Variants in TRAPPC9 observed in about 807,000 individuals in gnomAD.
TRAPPC9 encodes trafficking protein particle complex subunit 9.
A neutral mutation model predicts 124.0 loss-of-function variants in TRAPPC9; 83 were observed. That is an observed-to-expected ratio of 0.67 (90% CI 0.56 to 0.80). The LOEUF is 0.80. Ranked by LOEUF, TRAPPC9 falls within the 30% of genes least tolerant of loss-of-function variation. The probability of loss-of-function intolerance (pLI) is 0.00; values close to 1 mark genes in which losing one functional copy is unlikely to be tolerated. For missense variants in TRAPPC9, 1,302 were observed against 1,508.3 expected (o/e 0.86, Z 2.27); for synonymous variants, 638 against 617.5 (o/e 1.03, Z -0.49).
chr8:139,983,524 G>A (rs1447240138), intron 19 of TRAPPC9, among the ~76,000 whole-genome samples: 2 of 151,922 alleles, frequency 1.3e-5, no homozygotes, highest in East Asian at 1.9e-4. Flanking sequence ...TAAGTGTAGT[G>A]AAAACACAGG....
intron 2 of TRAPPC9, among the ~76,000 whole-genome samples, chr8:140,444,654 C>T (rs139880533): frequency 2.0e-5 from 3 of 152,034 alleles, no homozygotes; most frequent in East Asian, 3.9e-4. Flanking sequence ...TGAGGTCAGG[C>T]GTTCAAGACC....
chr8:139,840,709 C>G (rs1164939505), intron 21 of TRAPPC9, among the ~76,000 whole-genome samples: 1 of 152,198 alleles, frequency 6.6e-6, no homozygotes, highest in Non-Finnish European at 1.5e-5. Context: ...AGTCCACACT[C>G]TCACAGTCTT....
At chr8:140,357,239 T>C (rs1183115154) in intron 9 of TRAPPC9, among the ~76,000 whole-genome samples, 1 of 151,722 alleles carries the variant, frequency 6.6e-6, no homozygotes, top group Non-Finnish European at 1.5e-5. Context: ...AGTCACATGG[T>C]GAAGGGGCAG....
chr8:139,980,664 C>T (rs1056431109), intron 19 of TRAPPC9, among the ~76,000 whole-genome samples: 2 of 152,206 alleles, frequency 1.3e-5, no homozygotes, highest in Non-Finnish European at 2.9e-5. Flanking sequence ...GAAGAGCACT[C>T]GGCGCACGGT....
intron 17 of TRAPPC9, among the ~76,000 whole-genome samples, chr8:140,115,751 C>G (rs942906234): frequency 6.6e-6 from 1 of 152,014 alleles, no homozygotes; most frequent in Admixed American, 6.6e-5. Context: ...AGCATACAGC[C>G]TTTGGAACCA....
chr8:140,209,433 G>A lies in TRAPPC9; in HGVS notation c.2556+12026C>T, dbSNP rs117543088. 3.7e-3 allele frequency among the ~76,000 whole-genome samples: 566 copies of A among 152,266 alleles called. 4 individuals carry two copies. The highest frequency in any genetic ancestry group is 2.8e-3 in the Non-Finnish European group (191 of 68,030). On this transcript the variant is annotated intron_variant, in intron 17 of 22. Coordinates refer to ENST00000438773, the MANE Select transcript of TRAPPC9 (RefSeq NM_001160372.4). ...AGGACAGGAACTCAAGGAACAGGCC[G>A]TCCCCCTTCTCTGTCCTTAACATCT... is the stretch of plus-strand genomic sequence containing the variant.
rs546290559 is a variant in TRAPPC9 at position 139,803,636 on chromosome 8, A to G, written c.3056-71434T>C. ...ATCACTTGCACATATCAGCCCATCA[A>G]CAAATGTTCACTTCCTTCCCAGTTT... is the stretch of plus-strand genomic sequence containing the variant. On this transcript the variant is annotated intron_variant, in intron 21 of 22. Coordinates refer to ENST00000438773, the MANE Select transcript of TRAPPC9 (RefSeq NM_001160372.4). 1.8e-4 allele frequency among the ~76,000 whole-genome samples: 27 copies of G among 152,360 alleles called. No individual in the cohort carries two copies. The East Asian group carries it at 4.2e-3, about 24-fold the overall frequency.
intron 21 of TRAPPC9, among the ~76,000 whole-genome samples, chr8:139,771,607 A>G (rs1252156194): frequency 6.6e-6 from 1 of 152,218 alleles, no homozygotes; most frequent in Non-Finnish European, 1.5e-5. Context: ...CAGGAGGACC[A>G]CTGCTGATCA....
intron 21 of TRAPPC9, among the ~76,000 whole-genome samples, chr8:139,737,533 G>T (rs796763485): frequency 7.9e-6 from 1 of 126,526 alleles, no homozygotes; most frequent in South Asian, 2.3e-4. Flanking sequence ...TTCTCCCACT[G>T]TTCTCTGGGG....
At chr8:140,102,103 A>G (rs1389771328) in intron 17 of TRAPPC9, among the ~76,000 whole-genome samples, 1 of 152,208 alleles carries the variant, frequency 6.6e-6, no homozygotes, top group Non-Finnish European at 1.5e-5. Context: ...TAGTTACTAG[A>G]GTCCAAACTG....
intron 20 of TRAPPC9, among the ~76,000 whole-genome samples, chr8:139,892,826 A>G (rs1029013745): frequency 5.9e-5 from 9 of 151,970 alleles, no homozygotes; most frequent in African/African-American, 2.2e-4. Context: ...GCATCCCTCC[A>G]CTGTAGAAGC....
intron 18 of TRAPPC9, among the ~76,000 whole-genome samples, chr8:139,991,944 G>A (rs1019885268): frequency 6.6e-6 from 1 of 152,248 alleles, no homozygotes; most frequent in South Asian, 2.1e-4. Context: ...CTGAGGAACT[G>A]AATGAGAAAC....
intron 16 of TRAPPC9, among the ~76,000 whole-genome samples, chr8:140,233,685 C>T (rs1248447955): frequency 7.1e-6 from 1 of 140,930 alleles, no homozygotes; most frequent in East Asian, 2.1e-4. Flanking sequence ...ACCACACACA[C>T]AAATGTTCAG....
intron 21 of TRAPPC9, among the ~76,000 whole-genome samples, chr8:139,853,964 C>G (rs1227965655): frequency 6.6e-6 from 1 of 152,150 alleles, no homozygotes; most frequent in African/African-American, 2.4e-5. Context: ...GTATATAATA[C>G]TATATTATAC....
At chr8:139,737,258 T>A (rs942481236) in intron 21 of TRAPPC9, among the ~76,000 whole-genome samples, 2 of 152,124 alleles carry the variant, frequency 1.3e-5, no homozygotes, top group African/African-American at 4.8e-5. Flanking sequence ...CAGCTTCAGC[T>A]GAGAAGAGTG....
Position 140,178,737 on chromosome 8 carries a change from T to C in TRAPPC9, c.2556+42722A>G, listed in dbSNP as rs770799109. On this transcript the variant is annotated intron_variant, in intron 17 of 22. Transcript: ENST00000438773. ...ATGTGATAAAATTTACCAGTGAAAT[T>C]CTGTGACTAATATTTTATTTGGGGA... Among the ~76,000 whole-genome samples, 9 of 152,252 alleles carry C rather than the reference T, an allele frequency of 5.9e-5. No homozygotes were observed. The South Asian group carries it at 1.2e-3, about 21-fold the overall frequency.
intron 17 of TRAPPC9, among the ~76,000 whole-genome samples, chr8:140,033,672 T>TTG (rs1563706805): frequency 1.1e-5 from 1 of 94,210 alleles, no homozygotes; most frequent in Non-Finnish European, 2.1e-5. Flanking sequence ...TTTTTTTTTT[T>TTG]TTTTTTTTTT....
intron 8 of TRAPPC9, among the ~76,000 whole-genome samples, chr8:140,366,147 A>G (rs557082542): frequency 6.6e-6 from 1 of 152,198 alleles, no homozygotes; most frequent in African/African-American, 2.4e-5. Context: ...TATGTAGCAC[A>G]TTTTCTTTAT....
chr8:139,902,858 C>T (rs1221180639), intron 20 of TRAPPC9, among the ~76,000 whole-genome samples: 1 of 152,142 alleles, frequency 6.6e-6, no homozygotes, highest in Non-Finnish European at 1.5e-5. Context: ...AGAAGGCAGT[C>T]TTGAAAATGG....
Sources: allele counts gnomAD v4.1 joint callset (sites outside exome capture counted in the v4.1 genomes callset), GRCh38; gene constraint gnomAD v4.1.1; transcripts MANE v1.5; gene names NCBI Gene and HGNC (gene_info 2026-07-23, HGNC 2026-07-21).